The following MAML3 variants were observed in gnomAD, a reference collection of about 807,000 sequenced individuals.
The protein encoded by MAML3 is mastermind-like protein 3.
Under a neutral mutation model 101.9 loss-of-function variants are expected in MAML3, and 27 were observed. The ratio of observed to expected loss-of-function variants is 0.27; its 90% CI spans 0.20 to 0.37. The LOEUF (loss-of-function observed/expected upper bound fraction) is 0.37. MAML3 is among the 10% of genes least tolerant of loss of function. The probability of loss-of-function intolerance (pLI) is 1.00; values close to 1 mark genes in which losing one functional copy is unlikely to be tolerated. For synonymous variants in MAML3, 501 were observed against 555.9 expected (o/e 0.90, Z 1.39); for missense variants, 1,316 against 1,444.9 (o/e 0.91, Z 1.45).
chr4:139,914,898 C>G (rs572145288), intron 1 of MAML3, among the ~76,000 whole-genome samples: 14 of 152,266 alleles, frequency 9.2e-5, no homozygotes, highest in Middle Eastern at 3.4e-3. Context: ...GTGGATAACC[C>G]AATTTCCACA....
intron 1 of MAML3, among the ~76,000 whole-genome samples, chr4:139,977,853 A>G (rs990809721): frequency 6.6e-6 from 1 of 152,072 alleles, no homozygotes; most frequent in Non-Finnish European, 1.5e-5. Context: ...AGCCAGGGCC[A>G]CAGAGTGAAA....
At chr4:139,962,307 G>A (rs1162339038) in intron 1 of MAML3, among the ~76,000 whole-genome samples, 2 of 152,144 alleles carry the variant, frequency 1.3e-5, no homozygotes, top group East Asian at 3.8e-4. Context: ...TTCAGCTCAA[G>A]TTAGAGCATA....
intron 2 of MAML3, among the ~76,000 whole-genome samples, chr4:139,801,713 C>T (rs1479279678): frequency 1.3e-5 from 2 of 150,126 alleles, no homozygotes; most frequent in African/African-American, 2.5e-5. Flanking sequence ...TGTGGGCAGG[C>T]ACATGTGTCT....
chr4:139,762,346 G>A (rs1291778938), intron 2 of MAML3, among the ~76,000 whole-genome samples: 12 of 152,164 alleles, frequency 7.9e-5, no homozygotes, highest in Admixed American at 7.9e-4. Flanking sequence ...TATGTAGCAT[G>A]CTTAGAGCAC....
rs754523177 is a variant in MAML3 at position 139,719,672 on chromosome 4, G to C, written c.3068C>G (p.Pro1023Arg). ...CATCATCTGCCGACCCATGGCAGCT[G>C]GGTTGAGGGTCCTCACTGTGCCCGT... ...ANTGTVRTLNPAAMGRQMMPS... is the reference protein window; with the variant it reads ...ANTGTVRTLNRAAMGRQMMPS... The change falls in exon 5 of 5, where the codon CCA becomes CGA. Residue 1023 changes from proline to arginine, a missense_variant. Transcript: ENST00000509479. The C allele has an allele frequency of 6.8e-6, 11 of 1,613,306 alleles. No homozygotes were observed. Among genetic ancestry groups the C allele is most frequent in the African/African-American group, 1.3e-5 (1 of 75,072 alleles).
intron 1 of MAML3, among the ~76,000 whole-genome samples, chr4:140,058,667 T>G (rs1274342606): frequency 6.6e-6 from 1 of 152,126 alleles, no homozygotes; most frequent in African/African-American, 2.4e-5. Context: ...ACATAGTGTC[T>G]AACTCATCAT....
intron 2 of MAML3, among the ~76,000 whole-genome samples, chr4:139,769,077 C>T (rs931741333): frequency 1.3e-5 from 2 of 152,156 alleles, no homozygotes; most frequent in African/African-American, 4.8e-5. Context: ...TTCCAAAGGT[C>T]GCCTCCTGGT....
chr4:139,896,579 T>C (rs1038474177), intron 1 of MAML3, among the ~76,000 whole-genome samples: 1 of 145,214 alleles, frequency 6.9e-6, no homozygotes, highest in Non-Finnish European at 1.5e-5. Context: ...TCATTTAGTG[T>C]GGCTTGATGG....
At chr4:139,788,959 G>A (rs1427069483) in intron 2 of MAML3, among the ~76,000 whole-genome samples, 1 of 152,184 alleles carries the variant, frequency 6.6e-6, no homozygotes, top group African/African-American at 2.4e-5. Context: ...CCACTGTTGT[G>A]GGGAAGAAGA....
chr4:139,781,192 T>TA (rs1447626656), intron 2 of MAML3, among the ~76,000 whole-genome samples: 2 of 152,054 alleles, frequency 1.3e-5, no homozygotes, highest in African/African-American at 4.8e-5. Flanking sequence ...CACTGAAAAA[T>TA]AGAGTTGCAG....
intron 1 of MAML3, among the ~76,000 whole-genome samples, chr4:140,138,279 G>T (rs1482119753): frequency 6.6e-6 from 1 of 152,112 alleles, no homozygotes; most frequent in Admixed American, 6.5e-5. Flanking sequence ...TCCTTCAATA[G>T]GTTCTAAGAA....
At chr4:139,792,936 CG>C (rs1730444023) in intron 2 of MAML3, among the ~76,000 whole-genome samples, 1 of 151,846 alleles carries the variant, frequency 6.6e-6, no homozygotes, top group Non-Finnish European at 1.5e-5. Context: ...TTAGTAGAGA[CG>C]GGGTTTCACC....
At chr4:139,961,423 C>A (rs530710847) in intron 1 of MAML3, among the ~76,000 whole-genome samples, 1 of 152,186 alleles carries the variant, frequency 6.6e-6, no homozygotes, top group African/African-American at 2.4e-5. Context: ...CCAACAAATA[C>A]GTTCCATTAG....
intron 2 of MAML3, among the ~76,000 whole-genome samples, chr4:139,758,980 G>GTCCA (rs1348440005): frequency 7.9e-5 from 12 of 152,316 alleles, no homozygotes; most frequent in Admixed American, 7.8e-4. Flanking sequence ...TTAGATGTTT[G>GTCCA]TCCATCCATC....
In MAML3 at chr4:140,152,799, C is replaced by T. The variant is rs1443455415; in HGVS notation, c.468+61G>A. 4 of 1,560,644 alleles carry T rather than the reference C, an allele frequency of 2.6e-6. No homozygotes were observed. In the East Asian group the frequency reaches 6.8e-5, roughly 26 times the overall value. On this transcript the variant is annotated intron_variant, in intron 1 of 4. Transcript: ENST00000509479. ...ACCCCCATGTAAGAAGCTCCACGCG[C>T]CCCCCACCACCACCACCACCCCCAA...
At chr4:140,103,680 T>C (rs1309220379) in intron 1 of MAML3, among the ~76,000 whole-genome samples, 1 of 152,234 alleles carries the variant, frequency 6.6e-6, no homozygotes, top group Admixed American at 6.5e-5. Flanking sequence ...AAAATGGTTT[T>C]TCTATGTGAA....
chr4:139,728,982 C>A (rs569849097), intron 3 of MAML3, among the ~76,000 whole-genome samples: 58 of 152,182 alleles, frequency 3.8e-4, no homozygotes, highest in African/African-American at 1.3e-3. Flanking sequence ...ATTTACAGAG[C>A]CCAGCTGCCC....
chr4:140,083,170 G>T (rs895370712), intron 1 of MAML3, among the ~76,000 whole-genome samples: 1 of 152,090 alleles, frequency 6.6e-6, no homozygotes, highest in African/African-American at 2.4e-5. Context: ...GTAAAGAACC[G>T]CAAATAAAGC....
chr4:140,025,255 A>G (rs762114044), intron 1 of MAML3, among the ~76,000 whole-genome samples: 7 of 152,206 alleles, frequency 4.6e-5, no homozygotes, highest in Non-Finnish European at 1.0e-4. Context: ...TTGTTATATG[A>G]GAACTCTCCA....
Sources: gnomAD v4.1 joint callset for allele counts (sites outside exome capture counted in the v4.1 genomes callset) on GRCh38, gnomAD v4.1.1 for gene constraint, MANE v1.5 for transcripts, NCBI Gene and HGNC (gene_info 2026-07-23, HGNC 2026-07-21) for gene names.